GLIS3: variants seen among roughly 807,000 people sequenced by gnomAD.
GLIS3 encodes zinc finger protein GLIS3.
GLIS3 carries 53 observed loss-of-function variants against 78.6 expected under a neutral mutation model. The ratio of observed to expected loss-of-function variants is 0.67; its 90% CI spans 0.54 to 0.85. The LOEUF is 0.85. Among genes scored for constraint, GLIS3 ranks in the 40% least tolerant of loss-of-function variants. GLIS3 has a pLI of 0.00. For synonymous variants in GLIS3, 684 were observed against 509.9 expected (o/e 1.34, Z -4.60); for missense variants, 1,703 against 1,231.1 (o/e 1.38, Z -5.74).
At chr9:4,222,487 T>C (rs1821414797) in intron 2 of GLIS3, among the ~76,000 whole-genome samples, 1 of 152,194 alleles carries the variant, frequency 6.6e-6, no homozygotes, top group South Asian at 2.1e-4. Flanking sequence ...CTTTCTTTTG[T>C]GAATCACTTA....
chr9:4,116,945 G>C (rs968479118), intron 4 of GLIS3, among the ~76,000 whole-genome samples: 3 of 152,202 alleles, frequency 2.0e-5, no homozygotes, highest in Admixed American at 6.5e-5. Flanking sequence ...TAAACCCTGA[G>C]GGTTTCTGTG....
At chr9:4,140,332 AAAAAC>A (rs1230190866) in intron 2 of GLIS3, among the ~76,000 whole-genome samples, 1 of 152,160 alleles carries the variant, frequency 6.6e-6, no homozygotes, top group Non-Finnish European at 1.5e-5. Context: ...CCCAAAAAAC[AAAAAC>A]AAAACAGAAC....
the GLIS3 span, among the ~76,000 whole-genome samples, chr9:4,379,233 C>G: frequency 2.6e-5 from 4 of 152,200 alleles, no homozygotes; most frequent in Admixed American, 6.5e-5. Context: ...ATGTAAGCTC[C>G]TAATAAAACC....
At position 3,828,295 on chromosome 9, in the gene GLIS3, A is replaced by C; in HGVS notation, c.2770T>G (p.Ser924Ala). Reference sequence around the variant, plus strand: ...TTTTAGCCTTCGGTGTAGACAGAGGAGAGCTGGCTAGGACAGCGGTCCACG... The same window carrying C: ...TTTTAGCCTTCGGTGTAGACAGAGGCGAGCTGGCTAGGACAGCGGTCCACG... ...STVDRCPSQL[S>A]SVYTEG The change falls in exon 11 of 11, where the codon TCC becomes GCC. Residue 924 changes from serine to alanine, a missense_variant. By Grantham distance (99) the Ser-to-Ala change is moderately conservative. Coordinates refer to ENST00000381971, the MANE Select transcript of GLIS3 (RefSeq NM_001042413.2). 6.2e-7 allele frequency: 1 copy of C among 1,614,122 alleles called. No individual in the cohort carries two copies. The highest frequency in any genetic ancestry group is 8.5e-7 in the Non-Finnish European group (1 of 1,180,022).
chr9:4,044,222 G>T (rs1437579979), intron 4 of GLIS3, among the ~76,000 whole-genome samples: 1 of 152,160 alleles, frequency 6.6e-6, no homozygotes, highest in Non-Finnish European at 1.5e-5. Context: ...ACAGTGTGTG[G>T]CTCTTAACTC....
chr9:4,432,419 C>A, the GLIS3 span, among the ~76,000 whole-genome samples: 2 of 152,054 alleles, frequency 1.3e-5, no homozygotes, highest in African/African-American at 4.8e-5. Context: ...GCTGAGTAAG[C>A]GCATGTAGTT....
chr9:3,912,916 T>C (rs775471677), intron 6 of GLIS3, among the ~76,000 whole-genome samples: 13 of 152,220 alleles, frequency 8.5e-5, no homozygotes, highest in Non-Finnish European at 1.8e-4. Flanking sequence ...GCTTCATAAA[T>C]TCCTCTGACA....
chr9:4,409,547 T>C, the GLIS3 span, among the ~76,000 whole-genome samples: 3 of 152,186 alleles, frequency 2.0e-5, no homozygotes, highest in African/African-American at 4.8e-5. Flanking sequence ...CTTACTAGTA[T>C]AATGATAATT....
At chr9:3,953,165 A>G (rs1478567501) in intron 4 of GLIS3, among the ~76,000 whole-genome samples, 1 of 152,156 alleles carries the variant, frequency 6.6e-6, no homozygotes, top group Non-Finnish European at 1.5e-5. Flanking sequence ...TAGTACCCCA[A>G]TGAAAGATTC....
chr9:4,050,848 C>A (rs10974301), intron 4 of GLIS3, among the ~76,000 whole-genome samples: 1 of 151,976 alleles, frequency 6.6e-6, no homozygotes, highest in Non-Finnish European at 1.5e-5. Context: ...TGGGCCTCCA[C>A]GTAAGAGGAG....
At chr9:4,024,305 T>C (rs951633600) in intron 4 of GLIS3, among the ~76,000 whole-genome samples, 4 of 152,206 alleles carry the variant, frequency 2.6e-5, no homozygotes, top group Non-Finnish European at 5.9e-5. Context: ...ATCACGGCTG[T>C]ACGAGCTGCA....
chr9:4,116,854 T>C (rs1361328085), intron 4 of GLIS3, among the ~76,000 whole-genome samples: 1 of 152,232 alleles, frequency 6.6e-6, no homozygotes, highest in Admixed American at 6.5e-5. Context: ...AAAACACATG[T>C]TCTTCTTTTT....
chr9:4,240,778 A>G (rs1823227469), intron 2 of GLIS3, among the ~76,000 whole-genome samples: 1 of 152,208 alleles, frequency 6.6e-6, no homozygotes, highest in Non-Finnish European at 1.5e-5. Flanking sequence ...CTGGGTGATG[A>G]AATAATCTGT....
chr9:4,326,339 T>C (rs1196066808), intron 2 of GLIS3, among the ~76,000 whole-genome samples: 1 of 152,088 alleles, frequency 6.6e-6, no homozygotes, highest in Non-Finnish European at 1.5e-5. Context: ...ATAAACAAAA[T>C]GTGGTATATA....
At chr9:4,308,006 C>A (rs1439222299) in intron 4 of GLIS3, among the ~76,000 whole-genome samples, 1 of 152,180 alleles carries the variant, frequency 6.6e-6, no homozygotes, top group African/African-American at 2.4e-5. Context: ...ACTTTCCTCT[C>A]TCCCTTCTCC....
At chr9:3,943,521 G>C (rs1417980913) in intron 4 of GLIS3, among the ~76,000 whole-genome samples, 1 of 152,162 alleles carries the variant, frequency 6.6e-6, no homozygotes, top group African/African-American at 2.4e-5. Context: ...CATTTCAAAG[G>C]TTCTACCCAG....
intron 4 of GLIS3, among the ~76,000 whole-genome samples, chr9:4,018,030 A>G (rs1252718108): frequency 6.6e-6 from 1 of 152,214 alleles, no homozygotes; most frequent in Non-Finnish European, 1.5e-5. Flanking sequence ...ATAAAACACA[A>G]CTACATCTCA....
chr9:4,017,018 C>G (rs1341522209), intron 4 of GLIS3, among the ~76,000 whole-genome samples: 1 of 152,150 alleles, frequency 6.6e-6, no homozygotes, highest in Non-Finnish European at 1.5e-5. Flanking sequence ...TTCAATCGGC[C>G]ATCATGTGCC....
At chr9:4,260,027 G>A (rs1443737465) in intron 2 of GLIS3, among the ~76,000 whole-genome samples, 1 of 152,176 alleles carries the variant, frequency 6.6e-6, no homozygotes, top group Non-Finnish European at 1.5e-5. Flanking sequence ...CACAGAGGGA[G>A]AAAGGAAAGA....
Sources: allele counts gnomAD v4.1 joint callset (sites outside exome capture counted in the v4.1 genomes callset), GRCh38; gene constraint gnomAD v4.1.1; transcripts MANE v1.5; gene names NCBI Gene and HGNC (gene_info 2026-07-23, HGNC 2026-07-21).